SLX4: variants seen among roughly 807,000 people sequenced by gnomAD.
The protein encoded by SLX4 is structure-specific endonuclease subunit SLX4.
Under a neutral mutation model 146.2 loss-of-function variants are expected in SLX4, and 112 were observed. The observed-to-expected ratio is 0.77, with a 90% CI of 0.66 to 0.90. The LOEUF (loss-of-function observed/expected upper bound fraction) is 0.90. Among genes scored for constraint, SLX4 ranks in the 40% least tolerant of loss-of-function variants. SLX4 has a pLI of 0.00. For missense variants in SLX4, 2,563 were observed against 2,392.7 expected, an observed-to-expected ratio of 1.07 and a Z score of -1.49; for synonymous variants, 1,061 against 997.7, an observed-to-expected ratio of 1.06 and a Z score of -1.20.
intron 12 of SLX4, among the ~76,000 whole-genome samples, chr16:3,587,016 G>T (rs923159116): frequency 1.3e-5 from 2 of 152,132 alleles, no homozygotes; most frequent in Non-Finnish European, 2.9e-5. Flanking sequence ...GGTTGCCAGG[G>T]CTGGGGGAAG....
intron 7 of SLX4, among the ~76,000 whole-genome samples, chr16:3,596,694 C>G (rs1361430048): frequency 6.6e-6 from 1 of 152,244 alleles, no homozygotes; most frequent in African/African-American, 2.4e-5. Context: ...TCCTGAAGTC[C>G]TCCAAGCTGC....
intron 3 of SLX4, among the ~76,000 whole-genome samples, chr16:3,604,440 C>T (rs998541061): frequency 4.6e-5 from 7 of 152,126 alleles, no homozygotes; most frequent in Admixed American, 6.6e-5. Context: ...TGGAATTAAG[C>T]GTGCTAATGG....
chr16:3,596,218 C>T lies in SLX4; in HGVS notation c.1859G>A (p.Arg620Lys). The T allele has an allele frequency of 6.4e-7, 1 of 1,550,886 alleles. No individual in the cohort carries two copies. Residue 620 changes from arginine to lysine, a missense_variant, in exon 8 of 15, where the codon AGG (arginine) becomes AAG (lysine). Transcript: ENST00000294008. ...CCACGGGCTGGCGCTCAGTCCCTCC[C>T]TCGCCAGGTCCACGAGGTCCTGCAG... Reference protein sequence around the residue: ...QALQDLVDLAREGLSASPWPG... With the variant: ...QALQDLVDLAKEGLSASPWPG...
chr16:3,606,199 T>G (rs1207728238), intron 3 of SLX4, among the ~76,000 whole-genome samples: 1 of 151,580 alleles, frequency 6.6e-6, no homozygotes, highest in East Asian at 1.9e-4. Context: ...TGCAGTGAGC[T>G]GAGATCATGT....
At chr16:3,584,281 T>C (rs2040481153) in intron 13 of SLX4, among the ~76,000 whole-genome samples, 1 of 151,770 alleles carries the variant, frequency 6.6e-6, no homozygotes, top group African/African-American at 2.4e-5. Context: ...ATTAGCCTGG[T>C]GTGGTGGCGT....
Position 3,596,252 on chromosome 16 carries a change from G to T in SLX4, c.1825C>A (p.His609Asn). The change falls in exon 8 of 15, where the codon CAC becomes AAC. Residue 609 changes from histidine to asparagine, a missense_variant. Transcript: ENST00000294008. ...TCCACGAGGTCCTGCAGGGCCTGGT[G>T]CTCCCTCTGGCTGGCCGAAGGCGAC... is the stretch of plus-strand genomic sequence containing the variant. Reference protein sequence around the residue: ...GPSPSASQREHQALQDLVDLA... With the variant: ...GPSPSASQRENQALQDLVDLA... The T allele has an allele frequency of 6.4e-7, 1 of 1,557,550 alleles. No individual in the cohort carries two copies. Among genetic ancestry groups the T allele is most frequent in the Admixed American group, 1.9e-5 (1 of 52,322 alleles).
At chr16:3,588,110 C>T (rs373256052) in intron 12 of SLX4, among the ~76,000 whole-genome samples, 13 of 152,280 alleles carry the variant, frequency 8.5e-5, no homozygotes, top group East Asian at 1.9e-4. Context: ...ATAAAAAAAT[C>T]GTAAAGGGAA....
At chr16:3,584,567 T>C (rs1302367240) in intron 13 of SLX4, among the ~76,000 whole-genome samples, 1 of 152,122 alleles carries the variant, frequency 6.6e-6, no homozygotes, top group Admixed American at 6.5e-5. Context: ...CAGAGAGAAC[T>C]GGGAGGCTCA....
Position 3,589,305 on chromosome 16 carries a change from G to A in SLX4, c.4333C>T (p.Arg1445Trp), listed in dbSNP as rs777967898. ...CTGCTGGTGCTCAGGGGGCCGGTCC[G>A]CTCCAGGTTCCAGTGGTCAATGGGA... ...PIPIDHWNLE[R>W]TGPLSTSSPS... is the part of the protein sequence containing the mutation. Residue 1445 changes from arginine to tryptophan, a missense_variant, in exon 12 of 15, where the codon CGG (arginine) becomes TGG (tryptophan). Arg to Trp is a moderately radical substitution (Grantham distance 101). Transcript: ENST00000294008. This position sits in a 1 kb window ranked among gnomAD's most constrained non-coding sequence, Gnocchi z 6.2. 93 of 1,582,150 alleles carry A rather than the reference G, an allele frequency of 5.9e-5. No individual in the cohort carries two copies. The highest frequency in any genetic ancestry group is 3.3e-4 in the Admixed American group (19 of 57,042).
rs1567170686 is a variant in SLX4 at position 3,590,829 on chromosome 16, CT to C, written c.2808del (p.Ala938HisfsTer63). On this transcript the variant is annotated frameshift_variant, in exon 12 of 15. Coordinates refer to ENST00000294008, the MANE Select transcript of SLX4 (RefSeq NM_032444.4). LOFTEE classifies it high-confidence loss of function. This position sits in a 1 kb window ranked among gnomAD's most constrained non-coding sequence, Gnocchi z 4.8. ...CALPPPQGQH[S>X]GARGAEAPEQ... ...TCAGGGGCCTCTGCTCCCCGTGCCC[CT>C]GAGTGCTGGCCCTGGGGTGGCGGGA... 6.2e-7 allele frequency: 1 copy of C among 1,613,956 alleles called. No homozygotes were observed. Among genetic ancestry groups the C allele is most frequent in the Non-Finnish European group, 8.5e-7 (1 of 1,179,862 alleles).
chr16:3,608,017 C>A (rs904400173), intron 2 of SLX4, among the ~76,000 whole-genome samples: 8 of 152,202 alleles, frequency 5.3e-5, no homozygotes, highest in African/African-American at 1.9e-4. Context: ...TTTTTCTTGA[C>A]TGTTGTTTAA....
In SLX4 at chr16:3,591,404, C is replaced by G. The variant is rs2040594826; in HGVS notation, c.2328-94G>C. On this transcript the variant is annotated intron_variant, in intron 11 of 14. Coordinates refer to ENST00000294008, the MANE Select transcript of SLX4 (RefSeq NM_032444.4). ...TGGCGGACCAGAGCAGAGTCTTCAC[C>G]AGGAGGAATGACCATGACCCAGGCC... is the stretch of plus-strand genomic sequence containing the variant. 5.2e-6 allele frequency: 8 copies of G among 1,550,852 alleles called. No individual in the cohort carries two copies. In the South Asian group the frequency reaches 9.1e-5, roughly 18 times the overall value.
chr16:3,606,365 G>A, intron 3 of SLX4, 109 bp downstream of exon 3: 2 of 1,182,750 alleles, frequency 1.7e-6, no homozygotes, highest in Admixed American at 1.7e-5. Flanking sequence ...ATCAAGCAGA[G>A]AGCCTATCCA....
chr16:3,588,118 G>GAATA (rs1321346699), intron 12 of SLX4, among the ~76,000 whole-genome samples: 1 of 152,156 alleles, frequency 6.6e-6, no homozygotes, highest in African/African-American at 2.4e-5. Flanking sequence ...ATCGTAAAGG[G>GAATA]AATAATTCAG....
At chr16:3,587,077 T>C (rs2040515716) in intron 12 of SLX4, among the ~76,000 whole-genome samples, 1 of 152,112 alleles carries the variant, frequency 6.6e-6, no homozygotes, top group South Asian at 2.1e-4. Context: ...ATGATGAAAA[T>C]GTTCTAGAAT....
intron 5 of SLX4, 73 bp downstream of exon 5, chr16:3,600,905 CT>C: frequency 6.4e-7 from 1 of 1,553,442 alleles, no homozygotes; most frequent in East Asian, 2.3e-5. Context: ...CCATAAAAAG[CT>C]TTTTTAAATA....
In SLX4 at chr16:3,600,339, G is replaced by A. The variant is rs556035971; in HGVS notation, c.1163+640C>T. Among the ~76,000 whole-genome samples, 6 of 152,296 alleles carry A rather than the reference G, an allele frequency of 3.9e-5. 1 individual carries two copies. The South Asian group carries it at 1.2e-3, about 32-fold the overall frequency. On this transcript the variant is annotated intron_variant, in intron 5 of 14. Transcript: ENST00000294008. ...GGCCACAGACCGGTACTGGTCCGAG[G>A]CTGGGGGGTTGGGGACCCCTGCACT...
Position 3,595,677 on chromosome 16 carries a change from G to A in SLX4, c.1941C>T (p.Pro647=), listed in dbSNP as rs540288743. The A allele has an allele frequency of 6.5e-5, 105 of 1,614,022 alleles. No homozygotes were observed. The South Asian group carries it at 8.5e-4, about 13-fold the overall frequency. Residue 647 remains proline (P), a synonymous_variant, in exon 9 of 15, where the codon CCC becomes CCT. Coordinates refer to ENST00000294008, the MANE Select transcript of SLX4 (RefSeq NM_032444.4). The part of the protein sequence containing the change: ...SEGTAGLDVV[P]GGLPLTGFVV... ...CAAACCCAGTCAGAGGAAGGCCGCC[G>A]GGCACCACGTCCAACCCTGAGTGGA... is the stretch of plus-strand genomic sequence containing the variant.
At chr16:3,593,915 A>G (rs1175891640) in intron 10 of SLX4, among the ~76,000 whole-genome samples, 8 of 152,214 alleles carry the variant, frequency 5.3e-5, no homozygotes, top group Non-Finnish European at 1.2e-4. Context: ...TCTGTCGCCC[A>G]GGCTGGAGTG....
Sources: allele counts gnomAD v4.1 joint callset (sites outside exome capture counted in the v4.1 genomes callset), GRCh38; gene constraint gnomAD v4.1.1; non-coding constraint Gnocchi (gnomAD v3.1); transcripts MANE v1.5; gene names NCBI Gene and HGNC (gene_info 2026-07-23, HGNC 2026-07-21).